Variants in ZBTB32 observed in about 807,000 individuals in gnomAD.
The protein encoded by ZBTB32 is zinc finger and BTB domain containing 32, also known as zinc finger and BTB domain-containing protein 32.
A neutral mutation model predicts 45.3 loss-of-function variants in ZBTB32; 28 were observed. The observed-to-expected ratio is 0.62, with a 90% CI of 0.46 to 0.85. The LOEUF is 0.85. ZBTB32 is among the 40% of genes least tolerant of loss of function. The pLI is 0.00. For missense variants in ZBTB32, 587 were observed against 624.4 expected (o/e 0.94, Z 0.64); for synonymous variants, 283 against 255.7 (o/e 1.11, Z -1.02).
rs1968915822 is a variant in ZBTB32 at position 35,716,618 on chromosome 19, C to G, written c.1330C>G (p.Gln444Glu). 6.2e-7 allele frequency: 1 copy of G among 1,613,536 alleles called. No homozygotes were observed. Among genetic ancestry groups the G allele is most frequent in the East Asian group, 2.2e-5 (1 of 44,876 alleles). ...CGGCTGTCCCAGCCTGGCCTCCATGCAGGCGCACATGCGCGGTCACTCGCC... is the reference window on the plus strand; with the variant it reads ...CGGCTGTCCCAGCCTGGCCTCCATGGAGGCGCACATGCGCGGTCACTCGCC... ...GAGCPSLASM[Q>E]AHMRGHSPSQ... Residue 444 changes from glutamine (Q) to glutamate (E), a missense_variant, in exon 7 of 7, where the codon CAG (glutamine) becomes GAG (glutamate). Coordinates refer to ENST00000392197, the MANE Select transcript of ZBTB32 (RefSeq NM_014383.3).
intron 2 of ZBTB32, 106 bp downstream of exon 2, chr19:35,713,139 C>T (rs572345930): frequency 3.3e-5 from 5 of 152,212 alleles, no homozygotes; most frequent in Non-Finnish European, 5.9e-5. Context: ...AACTCAAAGG[C>T]AGGGCTGATT....
At chr19:35,706,737 A>C (rs981592979) in intron 1 of ZBTB32, among the ~76,000 whole-genome samples, 1 of 152,072 alleles carries the variant, frequency 6.6e-6, no homozygotes, top group East Asian at 1.9e-4. Context: ...AAATAAGTAA[A>C]TAACATAAAG....
chr19:35,716,239 C>G lies in ZBTB32; in HGVS notation c.1131C>G (p.Val377=). Residue 377 remains valine (V), a synonymous_variant, in exon 6 of 7, where the codon GTC becomes GTG. Transcript: ENST00000392197. ...PARSRPYACS[V]CGKRFSLKHQ... Reference sequence around the variant, plus strand: ...GGTCTCGGCCCTATGCGTGCTCTGTCTGTGGAAAGAGGTTTTCACTCAAGC... The same window carrying G: ...GGTCTCGGCCCTATGCGTGCTCTGTGTGTGGAAAGAGGTTTTCACTCAAGC... 6.2e-7 allele frequency: 1 copy of G among 1,613,970 alleles called. No homozygotes were observed. The highest frequency in any genetic ancestry group is 8.5e-7 in the Non-Finnish European group (1 of 1,179,980).
rs1166362502 is a variant in ZBTB32 at position 35,716,838 on chromosome 19, C to T, written c.*86C>T. The T allele has an allele frequency of 4.7e-6, 7 of 1,489,890 alleles. No homozygotes were observed. The highest frequency in any genetic ancestry group is 5.4e-6 in the Non-Finnish European group (6 of 1,108,324). 92.3% of individuals were successfully genotyped at this position (1,489,890 alleles called of 1,614,324 possible). On this transcript the variant is annotated 3_prime_UTR_variant, in exon 7 of 7. Transcript: ENST00000392197. The stretch of plus-strand genomic sequence containing the variant: ...GGCTTCTGACCTGGCACCGCTGCTA[C>T]GGCGGCCTAGCAAATTCCGCCCCAG...
intron 1 of ZBTB32, among the ~76,000 whole-genome samples, chr19:35,711,444 A>G (rs1215246535): frequency 6.6e-6 from 1 of 152,192 alleles, no homozygotes; most frequent in Non-Finnish European, 1.5e-5. Context: ...GTTAACGTTC[A>G]GAGTAGCAGA....
intron 1 of ZBTB32, among the ~76,000 whole-genome samples, chr19:35,707,702 C>G (rs1295302593): frequency 6.6e-6 from 1 of 152,124 alleles, no homozygotes; most frequent in East Asian, 1.9e-4. Context: ...ACAATTGGTC[C>G]CAGGCTGGGT....
At chr19:35,708,257 T>C (rs1443930730) in intron 1 of ZBTB32, among the ~76,000 whole-genome samples, 1 of 152,204 alleles carries the variant, frequency 6.6e-6, no homozygotes, top group African/African-American at 2.4e-5. Context: ...CTCTCATGAA[T>C]ACAGGCCTGG....
chr19:35,716,061 T>G, intron 5 of ZBTB32, 54 bp downstream of exon 5: 1 of 1,611,494 alleles, frequency 6.2e-7, no homozygotes, highest in South Asian at 1.1e-5. Flanking sequence ...CTTGATTTCC[T>G]GCCTGAATGG....
chr19:35,711,150 G>A (rs1968682097), intron 1 of ZBTB32, among the ~76,000 whole-genome samples: 1 of 152,162 alleles, frequency 6.6e-6, no homozygotes, highest in Non-Finnish European at 1.5e-5. Flanking sequence ...CAAACCAGCG[G>A]GGGAGCTGAG....
intron 1 of ZBTB32, among the ~76,000 whole-genome samples, chr19:35,709,047 C>T (rs1233344409): frequency 6.6e-6 from 1 of 151,998 alleles, no homozygotes; most frequent in African/African-American, 2.4e-5. Flanking sequence ...CTTGAACTCC[C>T]GACCTCAGAT....
intron 1 of ZBTB32, among the ~76,000 whole-genome samples, chr19:35,709,583 G>A (rs569869221): frequency 2.6e-5 from 4 of 152,214 alleles, no homozygotes; most frequent in African/African-American, 9.6e-5. Context: ...GTAAGAATAA[G>A]AACTATCAGA....
At position 35,715,327 on chromosome 19, in the gene ZBTB32, C is replaced by T. The variant is rs758492786; in HGVS notation, c.701C>T (p.Pro234Leu). The T allele has an allele frequency of 6.3e-7, 1 of 1,596,894 alleles. No homozygotes were observed. Among genetic ancestry groups the T allele is most frequent in the South Asian group, 1.1e-5 (1 of 89,362 alleles). The change falls in exon 3 of 7, where the codon CCC becomes CTC. Residue 234 changes from proline to leucine, a missense_variant. Transcript: ENST00000392197. The stretch of plus-strand genomic sequence containing the variant: ...CTGCGCAAGCTCCCTGGCCCCCTTC[C>T]CCCAGCAGGCTCCCTGCAAACCAGC... ...ESLRKLPGPL[P>L]PAGSLQTSVT...
chr19:35,705,652 C>A (rs1303378469), intron 1 of ZBTB32, among the ~76,000 whole-genome samples: 2 of 151,062 alleles, frequency 1.3e-5, no homozygotes, highest in African/African-American at 4.9e-5. Context: ...GTGGCTCACA[C>A]CTGTAATCCC....
intron 4 of ZBTB32, 41 bp from the exon 5 acceptor site, chr19:35,715,898 C>G: frequency 1.9e-6 from 3 of 1,610,078 alleles, no homozygotes; most frequent in Non-Finnish European, 2.5e-6. Context: ...CTCGAGGAGT[C>G]CAGCCTGAGC....
chr19:35,716,656 G>A lies in ZBTB32; in HGVS notation c.1368G>A (p.Pro456=), dbSNP rs1158561999. Residue 456 remains proline (P), a synonymous_variant, in exon 7 of 7, where the codon CCG becomes CCA. Coordinates refer to ENST00000392197, the MANE Select transcript of ZBTB32 (RefSeq NM_014383.3). ...GCGGTCACTCGCCCAGCCAACTCCC[G>A]CCCGGATGGACCATCCGCTCCACCT... ...HMRGHSPSQL[P]PGWTIRSTFL... is the part of the protein sequence containing the mutation. The A allele has an allele frequency of 3.1e-6, 5 of 1,613,876 alleles. No individual in the cohort carries two copies. Among genetic ancestry groups the A allele is most frequent in the Non-Finnish European group, 4.2e-6 (5 of 1,179,962 alleles).
intron 1 of ZBTB32, among the ~76,000 whole-genome samples, chr19:35,707,658 G>T (rs989308687): frequency 2.0e-5 from 3 of 151,916 alleles, no homozygotes; most frequent in African/African-American, 7.3e-5. Flanking sequence ...GTGAGCCACC[G>T]CACCCGGCCT....
intron 2 of ZBTB32, chr19:35,714,114 T>G (rs1968784413): frequency 6.6e-6 from 1 of 152,444 alleles, no homozygotes; most frequent in East Asian, 1.9e-4. Flanking sequence ...TTCTAAGCTC[T>G]CCCGTGAAAC....
intron 1 of ZBTB32, among the ~76,000 whole-genome samples, chr19:35,709,224 G>A (rs1236647513): frequency 6.6e-6 from 1 of 152,266 alleles, no homozygotes; most frequent in Admixed American, 6.5e-5. Context: ...GAAAGAGATG[G>A]GTTCACGGGA....
At chr19:35,712,024 CAAAAAAAAAAAAAAA>C (rs773746029) in intron 1 of ZBTB32, among the ~76,000 whole-genome samples, 2 of 54,840 alleles carry the variant, frequency 3.6e-5, no homozygotes, top group Admixed American at 1.9e-4. Flanking sequence ...GACTGCGTCT[CAAAAAAAAAAAAAAA>C]AAAAAAAAAA....
Sources: allele counts gnomAD v4.1 joint callset (sites outside exome capture counted in the v4.1 genomes callset), GRCh38; gene constraint gnomAD v4.1.1; transcripts MANE v1.5; gene names NCBI Gene and HGNC (gene_info 2026-07-23, HGNC 2026-07-21).